The following POLN variants were observed in gnomAD, a reference collection of about 807,000 sequenced individuals.
The protein encoded by POLN is DNA polymerase N.
Under a neutral mutation model 113.5 loss-of-function variants are expected in POLN, and 108 were observed. The observed-to-expected ratio is 0.95, with a 90% CI of 0.81 to 1.12. POLN has a LOEUF of 1.12. Ranked by LOEUF, POLN falls within the 50% of genes most tolerant of loss-of-function variation. The pLI is 0.00. For synonymous variants in POLN, 386 were observed against 391.5 expected (o/e 0.99, Z 0.17); for missense variants, 1,097 against 1,077.1 (o/e 1.02, Z -0.26).
At chr4:2,083,539 C>T (rs1297122094) in intron 21 of POLN, among the ~76,000 whole-genome samples, 1 of 152,232 alleles carries the variant, frequency 6.6e-6, no homozygotes, top group Non-Finnish European at 1.5e-5. Flanking sequence ...AGTCTCCTGA[C>T]TCCATACATT....
rs528879433 is a variant in POLN, at chr4:2,091,872, T to C, written c.2065+3979A>G. On this transcript the variant is annotated intron_variant, in intron 20 of 25. Coordinates refer to ENST00000511885, the MANE Select transcript of POLN (RefSeq NM_181808.4). ...TCACTCCCTTTTCTCCGAGTGCTCT[T>C]CTGCCCCACACATATTGCTAACAGG... 2.5e-4 allele frequency among the ~76,000 whole-genome samples: 38 copies of C among 152,160 alleles called. 2 individuals are homozygous for C. The South Asian group carries it at 7.5e-3, about 30-fold the overall frequency.
chr4:2,150,129 A>C (rs1732256216), intron 16 of POLN, among the ~76,000 whole-genome samples: 1 of 152,026 alleles, frequency 6.6e-6, no homozygotes, highest in South Asian at 2.1e-4. Flanking sequence ...CAAAACAAAA[A>C]GAAGTGGGAG....
chr4:2,192,814 A>T (rs566699109), intron 7 of POLN, among the ~76,000 whole-genome samples: 13 of 149,844 alleles, frequency 8.7e-5, no homozygotes, highest in South Asian at 4.2e-4. Context: ...AAAAAATAAA[A>T]ATATATATAT....
chr4:2,134,770 C>T (rs1354735327), intron 16 of POLN, among the ~76,000 whole-genome samples: 2 of 152,214 alleles, frequency 1.3e-5, no homozygotes, highest in Non-Finnish European at 2.9e-5. Flanking sequence ...AGACCAAGTA[C>T]TGATCACAAC....
At chr4:2,197,174 G>C (rs928075659) in intron 6 of POLN, among the ~76,000 whole-genome samples, 1 of 152,158 alleles carries the variant, frequency 6.6e-6, no homozygotes, top group African/African-American at 2.4e-5. Flanking sequence ...ACAGGGAAGT[G>C]ATGTGATCTG....
Position 2,128,221 on chromosome 4 carries a change from GAA to G in POLN, c.1872_1873del (p.Ser625ThrfsTer3), listed in dbSNP as rs771776237. ...TGTAAGAATGCGCAATTCAATCTGT[GAA>G]AAGTCTGTGAGATACAGTTCTGCAT... On this transcript the variant is annotated frameshift_variant, in exon 19 of 26. Coordinates refer to ENST00000511885, the MANE Select transcript of POLN (RefSeq NM_181808.4). LOFTEE classifies it high-confidence loss of function. 20 of 1,598,628 alleles carry G rather than the reference GAA, an allele frequency of 1.3e-5. No individual in the cohort carries two copies. Among genetic ancestry groups the G allele is most frequent in the Non-Finnish European group, 1.7e-5 (20 of 1,166,646 alleles).
intron 20 of POLN, among the ~76,000 whole-genome samples, chr4:2,091,800 T>C (rs60372949): frequency 0.65 from 94,908 of 145,060 alleles, 32,531 homozygotes; most frequent in Non-Finnish European, 0.75. Flanking sequence ...TGTGTGTGTG[T>C]GCGCGCGCTA....
chr4:2,113,134 G>A (rs867202336), intron 19 of POLN, among the ~76,000 whole-genome samples: 78 of 149,290 alleles, frequency 5.2e-4, no homozygotes, highest in Middle Eastern at 3.6e-3. Context: ...ACTATCGCAA[G>A]GACAAAAAAC....
intron 19 of POLN, among the ~76,000 whole-genome samples, chr4:2,106,877 T>C (rs1243773471): frequency 2.6e-5 from 4 of 152,182 alleles, no homozygotes; most frequent in Non-Finnish European, 5.9e-5. Context: ...TTATTATGCA[T>C]TATTTTTGCA....
intron 20 of POLN, among the ~76,000 whole-genome samples, chr4:2,092,549 G>A (rs1730693927): frequency 6.6e-6 from 1 of 152,198 alleles, no homozygotes; most frequent in Non-Finnish European, 1.5e-5. Context: ...CCCCACGGTG[G>A]CTGCGGGGAC....
chr4:2,217,340 C>CT (rs1254808011), intron 3 of POLN, among the ~76,000 whole-genome samples: 6 of 152,326 alleles, frequency 3.9e-5, no homozygotes, highest in African/African-American at 1.2e-4. Context: ...GAACCAAGCT[C>CT]TAACTTTTCC....
intron 16 of POLN, among the ~76,000 whole-genome samples, chr4:2,147,112 T>G (rs1732162989): frequency 6.6e-6 from 1 of 152,054 alleles, no homozygotes; most frequent in Non-Finnish European, 1.5e-5. Flanking sequence ...AAATGAGAAC[T>G]CAAGATACTA....
At chr4:2,072,843 C>T (rs1405305593) in intron 25 of POLN, 125 bp downstream of exon 25, 11 of 984,376 alleles carry the variant, frequency 1.1e-5, no homozygotes, top group Non-Finnish European at 3.1e-6. Context: ...ACGGCTGTGC[C>T]TGCTGTGGAG....
At chr4:2,108,007 C>T (rs1731107913) in intron 19 of POLN, among the ~76,000 whole-genome samples, 1 of 150,536 alleles carries the variant, frequency 6.6e-6, no homozygotes, top group African/African-American at 2.5e-5. Flanking sequence ...TGCACCTTTG[C>T]TCCTTTTGCC....
chr4:2,192,581 G>A (rs938856065), intron 7 of POLN, among the ~76,000 whole-genome samples: 39 of 151,828 alleles, frequency 2.6e-4, no homozygotes, highest in Non-Finnish European at 4.4e-4. Flanking sequence ...CTCGTGATCC[G>A]CCTGCCTCAG....
chr4:2,183,127 G>A (rs1733184350), intron 7 of POLN, among the ~76,000 whole-genome samples: 1 of 152,148 alleles, frequency 6.6e-6, no homozygotes, highest in Non-Finnish European at 1.5e-5. Context: ...ACATCCACTT[G>A]GATGACTAAA....
chr4:2,168,128 A>C (rs1732773237), intron 13 of POLN, among the ~76,000 whole-genome samples: 1 of 152,238 alleles, frequency 6.6e-6, no homozygotes, highest in Non-Finnish European at 1.5e-5. Flanking sequence ...TGTACTAAGC[A>C]CTGGGAACAT....
At chr4:2,114,959 G>C (rs778695492) in intron 19 of POLN, among the ~76,000 whole-genome samples, 3 of 151,528 alleles carry the variant, frequency 2.0e-5, no homozygotes, top group Non-Finnish European at 4.4e-5. Context: ...TCTCATTTTG[G>C]ACACTTTCTA....
At chr4:2,162,903 AAGT>A (rs1380859425) in intron 13 of POLN, among the ~76,000 whole-genome samples, 1 of 152,038 alleles carries the variant, frequency 6.6e-6, no homozygotes, top group African/African-American at 2.4e-5. Flanking sequence ...ATTGCCTTAT[AAGT>A]AGTCTTGATA....
Sources: gnomAD v4.1 joint callset for allele counts (sites outside exome capture counted in the v4.1 genomes callset) on GRCh38, gnomAD v4.1.1 for gene constraint, MANE v1.5 for transcripts, NCBI Gene and HGNC (gene_info 2026-07-23, HGNC 2026-07-21) for gene names.